SCUBE2: variants seen among roughly 807,000 people sequenced by gnomAD.
SCUBE2 encodes the protein signal peptide, CUB domain and EGF like domain containing 2.
A neutral mutation model predicts 125.9 loss-of-function variants in SCUBE2; 114 were observed. The ratio of observed to expected loss-of-function variants is 0.91; its 90% CI spans 0.78 to 1.06. SCUBE2 has a LOEUF of 1.06. Among genes scored for constraint, SCUBE2 ranks in the 50% least tolerant of loss-of-function variants. SCUBE2 has a pLI of 0.00. For synonymous variants in SCUBE2, 459 were observed against 492.9 expected, an observed-to-expected ratio of 0.93 and a Z score of 0.91; for missense variants, 1,255 against 1,301.8, an observed-to-expected ratio of 0.96 and a Z score of 0.55.
In SCUBE2 at chr11:9,079,384, C is replaced by T; in HGVS notation, c.382G>A (p.Asp128Asn). 1 of 1,613,732 alleles carries T rather than the reference C, an allele frequency of 6.2e-7. No homozygotes were observed. Among genetic ancestry groups the T allele is most frequent in the Non-Finnish European group, 8.5e-7 (1 of 1,179,834 alleles). The change falls in exon 3 of 23, where the codon GAT becomes AAT. Residue 128 changes from aspartate (D) to asparagine (N), a missense_variant and splice_region_variant. Transcript: ENST00000649792. ...TGCCATTTCCAAATGCCTTCCTTAC[C>T]AAGACAATTATGACCGTCATGAGCC... Reference protein sequence around the residue: ...MLAHDGHNCLDVDECLENNGG... With the variant: ...MLAHDGHNCLNVDECLENNGG...
rs957624208 is a variant in SCUBE2, at chr11:9,027,350, G to A, written c.2701+14C>T. ...CAGCTGGCCTGAGAAAGGGAGGGAG[G>A]GAGTGAGACGCACAGGTTTTCCGCA... is the stretch of plus-strand genomic sequence containing the variant. On this transcript the variant is annotated intron_variant, in intron 20 of 22. Transcript: ENST00000649792. The A allele has an allele frequency of 1.2e-6, 2 of 1,612,960 alleles. No individual in the cohort carries two copies. Among genetic ancestry groups the A allele is most frequent in the African/African-American group, 1.3e-5 (1 of 74,836 alleles).
At chr11:9,048,666 CA>C (rs1858041242) in intron 14 of SCUBE2, among the ~76,000 whole-genome samples, 1 of 152,194 alleles carries the variant, frequency 6.6e-6, no homozygotes, top group South Asian at 2.1e-4. Flanking sequence ...CTAACAATAT[CA>C]TGAAGGCATC....
At chr11:9,025,599 C>T (rs1855652413) in intron 21 of SCUBE2, 103 bp downstream of exon 21, 2 of 1,412,006 alleles carry the variant, frequency 1.4e-6, no homozygotes, top group Admixed American at 2.1e-5. Context: ...ATCTTGCCTG[C>T]CTTTCTGAGC....
intron 20 of SCUBE2, chr11:9,027,067 A>T: frequency 2.4e-6 from 1 of 417,638 alleles, no homozygotes; most frequent in Non-Finnish European, 4.4e-6. Context: ...TCTGGGGCCA[A>T]CACTGCATGA....
rs754884122 is a variant in SCUBE2 at position 9,091,444 on chromosome 11, CCAGCAGCAGCAGTGGCGGCAG to C, written c.64_84del (p.Leu22_Leu28del). ...CCCCGACCCGGCGGGACGGCCCCCG[CCAGCAGCAGCAGTGGCGGCAG>C]CAGCAGCAGCAGCAGCAGCACCGCC... is the stretch of plus-strand genomic sequence containing the variant. On this transcript the variant is annotated inframe_deletion, in exon 1 of 23. Coordinates refer to ENST00000649792, the MANE Select transcript of SCUBE2 (RefSeq NM_001367977.2). The surrounding 1 kb of genome is among the most constrained non-coding windows in gnomAD (Gnocchi z 8.5). The C allele has an allele frequency of 2.2e-4, 298 of 1,331,072 alleles. No homozygotes were observed. The highest frequency in any genetic ancestry group is 1.3e-3 in the African/African-American group (73 of 56,726). 82.5% of individuals were successfully genotyped at this position (1,331,072 alleles called of 1,614,324 possible).
intron 2 of SCUBE2, among the ~76,000 whole-genome samples, chr11:9,079,887 G>A (rs1276124697): frequency 6.6e-6 from 1 of 152,142 alleles, no homozygotes; most frequent in African/African-American, 2.4e-5. Flanking sequence ...TTATCTTCAT[G>A]TAAGAAATAA....
rs769603487 is a variant in SCUBE2 at position 9,047,962 on chromosome 11, A to G, written c.1776T>C (p.Thr592=). ...ACCAACCTGTCACCTCCTTTTGGTT[A>G]GTTTCAAGCTCAAACTCAACAGTGA... ...MFITVEFELE[T]NQKEVTASCD... The change falls in exon 15 of 23, where the codon ACT becomes ACC. Residue 592 remains threonine (T), a synonymous_variant. Coordinates refer to ENST00000649792, the MANE Select transcript of SCUBE2 (RefSeq NM_001367977.2). The G allele has an allele frequency of 6.2e-7, 1 of 1,612,380 alleles. No homozygotes were observed. The highest frequency in any genetic ancestry group is 8.5e-7 in the Non-Finnish European group (1 of 1,179,338).
rs1312039900 is a variant in SCUBE2, at chr11:9,074,721, G to A, written c.383-106C>T. On this transcript the variant is annotated intron_variant, in intron 3 of 22. Transcript: ENST00000649792. ...AAGCAAAGATGAGGTTCCTCTTCAC[G>A]TCCCTGCACCACAGAAGCTTTCAGA... 3.0e-5 allele frequency: 38 copies of A among 1,274,280 alleles called. 1 individual carries two copies. The South Asian group carries it at 3.3e-4, about 11-fold the overall frequency. The allele number at this position is 1,274,280 out of a possible 1,614,324, so 78.9% of individuals were successfully genotyped here.
At chr11:9,040,076 C>T (rs528803778) in intron 16 of SCUBE2, among the ~76,000 whole-genome samples, 72 of 152,160 alleles carry the variant, frequency 4.7e-4, no homozygotes, top group Middle Eastern at 3.2e-3. Context: ...GGAGAGGGCC[C>T]GTGGGTGCAT....
At position 9,085,992 on chromosome 11, in the gene SCUBE2, C is replaced by G. The variant is rs947430727; in HGVS notation, c.256+3715G>C. 1.3e-4 allele frequency among the ~76,000 whole-genome samples: 19 copies of G among 151,992 alleles called. No individual in the cohort carries two copies. In the South Asian group the frequency reaches 2.5e-3, roughly 20 times the overall value. ...GTACTATAGGCACGCACCACTACACCCAGCTAATTATTTTGACCTTTAGTA... is the reference window on the plus strand; with the variant it reads ...GTACTATAGGCACGCACCACTACACGCAGCTAATTATTTTGACCTTTAGTA... On this transcript the variant is annotated intron_variant, in intron 2 of 22. Transcript: ENST00000649792.
intron 16 of SCUBE2, among the ~76,000 whole-genome samples, chr11:9,046,998 AT>A (rs1428676151): frequency 8.5e-6 from 1 of 118,316 alleles, no homozygotes; most frequent in Non-Finnish European, 1.9e-5. Context: ...TCCTGGAGAA[AT>A]CTAATTACTG....
In SCUBE2 at chr11:9,079,593, T is replaced by C. The variant is rs150751734; in HGVS notation, c.257-84A>G. On this transcript the variant is annotated intron_variant, in intron 2 of 22. Transcript: ENST00000649792. ...TGCACTTACCTCCAGCCATTCCACT[T>C]CTAGGAATCTACCTGAAAATACATC... 231 of 1,384,128 alleles carry C rather than the reference T, an allele frequency of 1.7e-4. No homozygotes were observed. The African/African-American group carries it at 3.0e-3, about 18-fold the overall frequency. 85.7% of individuals were successfully genotyped at this position (1,384,128 alleles called of 1,614,324 possible).
intron 9 of SCUBE2, among the ~76,000 whole-genome samples, chr11:9,056,265 A>G (rs1214936064): frequency 6.6e-6 from 1 of 152,358 alleles, no homozygotes; most frequent in African/African-American, 2.4e-5. Flanking sequence ...GGTGCTAGCT[A>G]TGCATTTTTA....
chr11:9,025,912 A>G, intron 20 of SCUBE2, 58 bp from the exon 21 acceptor site: 1 of 1,532,254 alleles, frequency 6.5e-7, no homozygotes, highest in Non-Finnish European at 8.9e-7. Flanking sequence ...TCAGGCATAG[A>G]GTAGATGCTC....
chr11:9,058,804 T>A (rs1859373529), intron 9 of SCUBE2, among the ~76,000 whole-genome samples: 1 of 151,404 alleles, frequency 6.6e-6, no homozygotes, highest in Non-Finnish European at 1.5e-5. Context: ...AAATAAATAA[T>A]TAAAAAATTA....
chr11:9,024,964 TGTTGGCTA>T (rs1261835482), intron 21 of SCUBE2, among the ~76,000 whole-genome samples: 3 of 152,222 alleles, frequency 2.0e-5, no homozygotes, highest in African/African-American at 7.2e-5. Flanking sequence ...ATTAAATATT[TGTTGGCTA>T]GGTGAACAAA....
At chr11:9,051,542 T>G (rs1858416987) in intron 13 of SCUBE2, among the ~76,000 whole-genome samples, 1 of 152,176 alleles carries the variant, frequency 6.6e-6, no homozygotes, top group Non-Finnish European at 1.5e-5. Flanking sequence ...GAGAGCCTGA[T>G]GTGCAAAATT....
At chr11:9,053,990 CTTTTTTTTTTTTT>C (rs11474890) in intron 10 of SCUBE2, among the ~76,000 whole-genome samples, 2 of 75,064 alleles carry the variant, frequency 2.7e-5, no homozygotes, top group African/African-American at 5.6e-5. Flanking sequence ...AAGCTCCACT[CTTTTTTTTTTTTT>C]TTTTTTTTTT....
chr11:9,037,590 G>A (rs1856846234), intron 16 of SCUBE2, among the ~76,000 whole-genome samples: 1 of 152,232 alleles, frequency 6.6e-6, no homozygotes, highest in South Asian at 2.1e-4. Context: ...GCCATAAGCA[G>A]CCCACGTGGA....
Sources: allele counts gnomAD v4.1 joint callset (sites outside exome capture counted in the v4.1 genomes callset), GRCh38; gene constraint gnomAD v4.1.1; non-coding constraint Gnocchi (gnomAD v3.1); transcripts MANE v1.5; gene names NCBI Gene and HGNC (gene_info 2026-07-23, HGNC 2026-07-21).